Variants in MAP3K13 observed in about 807,000 individuals in gnomAD.
The protein encoded by MAP3K13 is leucine zipper-bearing kinase.
A neutral mutation model predicts 104.0 loss-of-function variants in MAP3K13; 52 were observed. The observed-to-expected ratio is 0.50, with a 90% CI of 0.40 to 0.63. The LOEUF (loss-of-function observed/expected upper bound fraction) is 0.63, where lower values mean the gene tolerates loss of function less well. Among genes scored for constraint, MAP3K13 ranks in the 20% least tolerant of loss-of-function variants. MAP3K13 has a pLI of 0.00. For missense variants in MAP3K13, 914 were observed against 1,218.5 expected (o/e 0.75, Z 3.72); for synonymous variants, 394 against 442.2 (o/e 0.89, Z 1.37).
rs1210993747 is a variant in MAP3K13 at position 185,437,233 on chromosome 3, CTGCTT to C, written c.476-212_476-208del. 2.6e-5 allele frequency among the ~76,000 whole-genome samples: 4 copies of C among 151,928 alleles called. No individual in the cohort carries two copies. The East Asian group carries it at 7.7e-4, about 29-fold the overall frequency. ...GGAAGGTATATTGGAGGCTTCTGCTCTGCTTTATTTCAGTGATTTAAAAATTGATA... is the reference window on the plus strand; with the variant it reads ...GGAAGGTATATTGGAGGCTTCTGCTCTATTTCAGTGATTTAAAAATTGATA... On this transcript the variant is annotated intron_variant, in intron 2 of 13. Coordinates refer to ENST00000265026, the MANE Select transcript of MAP3K13 (RefSeq NM_004721.5).
intron 1 of MAP3K13, among the ~76,000 whole-genome samples, chr3:185,396,371 A>AAAAT (rs71164505): frequency 0.17 from 25,562 of 151,640 alleles, 2,172 homozygotes; most frequent in African/African-American, 0.21. Flanking sequence ...CTCTGTCTCA[A>AAAAT]AAATAAATAA....
chr3:185,457,633 T>C (rs1220420912), intron 7 of MAP3K13, among the ~76,000 whole-genome samples: 1 of 152,214 alleles, frequency 6.6e-6, no homozygotes, highest in Non-Finnish European at 1.5e-5. Flanking sequence ...GATTTCAGCA[T>C]ATGAATTTGG....
chr3:185,399,654 AAAAGGAGGGAAGGAAGGAAG>A (rs1465464723), intron 1 of MAP3K13, among the ~76,000 whole-genome samples: 2 of 2,624 alleles, frequency 7.6e-4, no homozygotes, highest in African/African-American at 2.7e-3. Flanking sequence ...GAGGGAGGAA[AAAAGGAGGGAAGGAAGGAAG>A]GAAGGAAGGA....
intron 2 of MAP3K13, among the ~76,000 whole-genome samples, chr3:185,296,572 T>G (rs1046643117): frequency 4.6e-5 from 7 of 152,226 alleles, no homozygotes; most frequent in South Asian, 2.1e-4. Flanking sequence ...TTTAAAATTG[T>G]AACCTCACTA....
chr3:185,355,909 A>G (rs1723332866), intron 2 of MAP3K13, among the ~76,000 whole-genome samples: 1 of 152,218 alleles, frequency 6.6e-6, no homozygotes, highest in Admixed American at 6.5e-5. Context: ...ATTGTTTACC[A>G]TGCTGAGGTG....
At chr3:185,323,081 T>C (rs927938962) in intron 2 of MAP3K13, among the ~76,000 whole-genome samples, 3 of 152,102 alleles carry the variant, frequency 2.0e-5, no homozygotes, top group Non-Finnish European at 2.9e-5. Context: ...AACTTTTTGT[T>C]TTTGAAATAG....
In MAP3K13 at chr3:185,418,183, C is replaced by T. The variant is rs1713904047; in HGVS notation, c.-85-10314C>T. 8.1e-6 allele frequency: 13 copies of T among 1,611,030 alleles called. No individual in the cohort carries two copies. The highest frequency in any genetic ancestry group is 1.3e-5 in the African/African-American group (1 of 74,858). ...CAGGCCCCTGCGCTGGATACGGCGACGGTTTCTCATTTTGCCTTTGCCAGC... is the reference window on the plus strand; with the variant it reads ...CAGGCCCCTGCGCTGGATACGGCGATGGTTTCTCATTTTGCCTTTGCCAGC... On this transcript the variant is annotated intron_variant, in intron 1 of 13. Transcript: ENST00000265026. This position sits in a 1 kb window ranked among gnomAD's most constrained non-coding sequence, Gnocchi z 4.5.
chr3:185,393,989 G>A (rs574650599), intron 1 of MAP3K13, among the ~76,000 whole-genome samples: 1 of 152,258 alleles, frequency 6.6e-6, no homozygotes, highest in Admixed American at 6.5e-5. Context: ...AAAGTCAAGT[G>A]TGGCCACTTA....
chr3:185,344,678 C>T (rs1412970792), intron 2 of MAP3K13, among the ~76,000 whole-genome samples: 6 of 152,158 alleles, frequency 3.9e-5, no homozygotes, highest in East Asian at 1.9e-4. Context: ...TCAGCTACCA[C>T]GTTGATTGCT....
At chr3:185,477,214 C>T (rs1718181012) in intron 11 of MAP3K13, 112 bp from the exon 12 acceptor site, 2 of 748,606 alleles carry the variant, frequency 2.7e-6, no homozygotes, top group Non-Finnish European at 4.8e-6. Context: ...CAAGCTACTA[C>T]TAAATGAATG....
intron 2 of MAP3K13, among the ~76,000 whole-genome samples, chr3:185,344,671 G>A (rs535661343): frequency 6.6e-6 from 1 of 152,204 alleles, no homozygotes; most frequent in South Asian, 2.1e-4. Context: ...CGTATTTTCA[G>A]CTACCACGTT....
At chr3:185,316,061 T>C (rs544108278) in intron 2 of MAP3K13, among the ~76,000 whole-genome samples, 1 of 152,300 alleles carries the variant, frequency 6.6e-6, no homozygotes, top group East Asian at 1.9e-4. Context: ...TACTGTTTGA[T>C]AGATAACTTC....
chr3:185,324,818 A>C (rs1305144859), intron 2 of MAP3K13, among the ~76,000 whole-genome samples: 1 of 152,182 alleles, frequency 6.6e-6, no homozygotes, highest in Non-Finnish European at 1.5e-5. Context: ...TAAAAAAAAA[A>C]AAACTGCTCA....
Position 185,466,970 on chromosome 3 carries a change from C to T in MAP3K13, c.1643+7C>T. On this transcript the variant is annotated splice_region_variant and intron_variant, in intron 10 of 13. Transcript: ENST00000265026. ...CTGGGATGCAGACCAAACGGTGAGA[C>T]ACCTGTACAAACGCAGTATTCAGAT... The T allele has an allele frequency of 6.2e-7, 1 of 1,613,912 alleles. No homozygotes were observed. Among genetic ancestry groups the T allele is most frequent in the Non-Finnish European group, 8.5e-7 (1 of 1,179,850 alleles).
At chr3:185,379,477 G>T (rs924634822) in intron 1 of MAP3K13, among the ~76,000 whole-genome samples, 1 of 152,204 alleles carries the variant, frequency 6.6e-6, no homozygotes, top group Non-Finnish European at 1.5e-5. Context: ...AAATCAGTGA[G>T]ATGTTCCTTG....
intron 2 of MAP3K13, among the ~76,000 whole-genome samples, chr3:185,301,660 G>A (rs1401735552): frequency 2.6e-5 from 4 of 152,126 alleles, no homozygotes; most frequent in Non-Finnish European, 5.9e-5. Flanking sequence ...ACCTTTGTAT[G>A]GCAAGGGTCC....
chr3:185,291,806 T>C (rs1393568021), intron 2 of MAP3K13: 1 of 1,332,896 alleles, frequency 7.5e-7, no homozygotes, highest in East Asian at 2.9e-5. Context: ...TTCCATTTTA[T>C]ATCCCTTCCT....
Position 185,418,564 on chromosome 3 carries a change from G to A in MAP3K13, c.-85-9933G>A. The A allele has an allele frequency of 6.2e-7, 1 of 1,612,294 alleles. No individual in the cohort carries two copies. Among genetic ancestry groups the A allele is most frequent in the Non-Finnish European group, 8.5e-7 (1 of 1,179,824 alleles). On this transcript the variant is annotated intron_variant, in intron 1 of 13. Coordinates refer to ENST00000265026, the MANE Select transcript of MAP3K13 (RefSeq NM_004721.5). This position sits in a 1 kb window ranked among gnomAD's most constrained non-coding sequence, Gnocchi z 4.5. The stretch of plus-strand genomic sequence containing the variant: ...TCGAACTCTGGGAATTCGAGCCATA[G>A]CTCTGCCAGTACCCCAAGACTCAGC...
chr3:185,285,955 A>G (rs1043131759), intron 2 of MAP3K13, among the ~76,000 whole-genome samples: 4 of 152,032 alleles, frequency 2.6e-5, no homozygotes, highest in Non-Finnish European at 4.4e-5. Flanking sequence ...TAATCTGTGG[A>G]TCCCGTGTAG....
Sources: gnomAD v4.1 joint callset for allele counts (sites outside exome capture counted in the v4.1 genomes callset) on GRCh38, gnomAD v4.1.1 for gene constraint, Gnocchi (gnomAD v3.1) non-coding constraint, MANE v1.5 for transcripts, NCBI Gene and HGNC (gene_info 2026-07-23, HGNC 2026-07-21) for gene names.